The following JPH2 variants were observed in gnomAD, a reference collection of about 807,000 sequenced individuals.
JPH2 encodes the protein junctophilin-2.
Under a neutral mutation model 55.9 loss-of-function variants are expected in JPH2, and 38 were observed. The observed-to-expected ratio is 0.68, with a 90% CI of 0.52 to 0.89. The LOEUF (loss-of-function observed/expected upper bound fraction) is 0.89. JPH2 is among the 40% of genes least tolerant of loss of function. The pLI is 0.00. For synonymous variants in JPH2, 480 were observed against 472.4 expected (o/e 1.02, Z -0.21); for missense variants, 964 against 1,037.6 (o/e 0.93, Z 0.97).
intron 2 of JPH2, among the ~76,000 whole-genome samples, chr20:44,128,327 C>T (rs1389767461): frequency 1.3e-5 from 2 of 152,144 alleles, no homozygotes; most frequent in Non-Finnish European, 2.9e-5. Flanking sequence ...GGTACTACCA[C>T]CACTTTACAG....
chr20:44,158,201 C>T (rs553976639), intron 2 of JPH2, among the ~76,000 whole-genome samples: 4 of 152,318 alleles, frequency 2.6e-5, no homozygotes, highest in Admixed American at 2.6e-4. Context: ...GGACCTCATC[C>T]GCTCTCTAAG....
Position 44,159,684 on chromosome 20 carries a change from T to C in JPH2, c.1103A>G (p.His368Arg), listed in dbSNP as rs2072480861. 3 of 1,612,622 alleles carry C rather than the reference T, an allele frequency of 1.9e-6. No individual in the cohort carries two copies. The highest frequency in any genetic ancestry group is 2.5e-6 in the Non-Finnish European group (3 of 1,179,954). The change falls in exon 2 of 6, where the codon CAC becomes CGC. Residue 368 changes from histidine (H) to arginine (R), a missense_variant. By Grantham distance (29) the His-to-Arg change is conservative. Transcript: ENST00000372980. This position sits in a 1 kb window ranked among gnomAD's most constrained non-coding sequence, Gnocchi z 5.7. ...KSNKVRQKVE[H>R]SVEGAQRAAA... ...GGCGCGCTGGGCACCCTCCACACTG[T>C]GCTCCACTTTCTGGCGGACCTTGTT...
intron 2 of JPH2, among the ~76,000 whole-genome samples, chr20:44,136,048 A>G (rs971835851): frequency 6.6e-6 from 1 of 152,220 alleles, no homozygotes; most frequent in African/African-American, 2.4e-5. Context: ...GAGCATTTCA[A>G]TAACTTGCCC....
intron 2 of JPH2, among the ~76,000 whole-genome samples, chr20:44,147,587 C>T (rs1051308093): frequency 3.3e-5 from 5 of 152,180 alleles, no homozygotes; most frequent in Non-Finnish European, 7.3e-5. Flanking sequence ...TTGTAAACAA[C>T]GGTCACTTCA....
intron 2 of JPH2, among the ~76,000 whole-genome samples, chr20:44,149,096 TAAAA>T (rs112752255): frequency 1.4e-5 from 2 of 141,736 alleles, no homozygotes; most frequent in East Asian, 2.0e-4. Flanking sequence ...CTCCTCCAAT[TAAAA>T]AAAAAAAAGA....
intron 2 of JPH2, among the ~76,000 whole-genome samples, chr20:44,123,189 C>T (rs544045816): frequency 6.6e-6 from 1 of 152,292 alleles, no homozygotes; most frequent in East Asian, 1.9e-4. Flanking sequence ...ATCCTATCAG[C>T]CCTTCTCCCC....
intron 2 of JPH2, among the ~76,000 whole-genome samples, chr20:44,127,351 ACT>A (rs1311065410): frequency 6.6e-6 from 1 of 151,950 alleles, no homozygotes; most frequent in East Asian, 1.9e-4. Context: ...TCCTGTGGTA[ACT>A]CTATGTTTAA....
Position 44,165,178 on chromosome 20 carries a change from G to A in JPH2, c.380-4771C>T, listed in dbSNP as rs6017277. On this transcript the variant is annotated intron_variant, in intron 1 of 5. Coordinates refer to ENST00000372980, the MANE Select transcript of JPH2 (RefSeq NM_020433.5). The stretch of plus-strand genomic sequence containing the variant: ...AATTGTGCTGATGGTTTACACAAGC[G>A]TGTACATCTGTCACACCTGTACATT... Among the ~76,000 whole-genome samples the A allele has an allele frequency of 7.4e-3, 1,127 of 152,046 alleles. 13 individuals are homozygous for A. Among genetic ancestry groups the A allele is most frequent in the African/African-American group, 0.025 (1,043 of 41,476 alleles).
chr20:44,118,769 G>A lies in JPH2; in HGVS notation c.1170-146C>T. On this transcript the variant is annotated intron_variant, in intron 2 of 5. Coordinates refer to ENST00000372980, the MANE Select transcript of JPH2 (RefSeq NM_020433.5). ...AATATTTATTGAGCCTCATGGCCCA[G>A]ACTGCTATGCATTCTCCAGATCATT... 5 of 709,614 alleles carry A rather than the reference G, an allele frequency of 7.0e-6. No homozygotes were observed. The South Asian group carries it at 7.9e-5, about 11-fold the overall frequency. 44.0% of individuals were successfully genotyped at this position (709,614 alleles called of 1,614,324 possible). A position where few individuals can be genotyped will look rare whatever the true frequency, so the allele number is the denominator to read the frequency against.
Position 44,159,923 on chromosome 20 carries a change from G to T in JPH2, c.864C>A (p.Thr288=). The stretch of plus-strand genomic sequence containing the variant: ...TCTTCCACTCGCCCATGTAGGTCTC[G>T]GTGGTGGTGGCGTCGATATCGGCCT... ...PFEADIDATT[T]ETYMGEWKND... Residue 288 remains threonine (T), a synonymous_variant, in exon 2 of 6, where the codon ACC becomes ACA. Transcript: ENST00000372980. The surrounding 1 kb of genome is among the most constrained non-coding windows in gnomAD (Gnocchi z 5.7). 6.2e-7 allele frequency: 1 copy of T among 1,611,266 alleles called. No individual in the cohort carries two copies. Among genetic ancestry groups the T allele is most frequent in the Admixed American group, 1.7e-5 (1 of 59,862 alleles).
chr20:44,153,703 G>A (rs2072546668), intron 2 of JPH2, among the ~76,000 whole-genome samples: 1 of 152,256 alleles, frequency 6.6e-6, no homozygotes, highest in South Asian at 2.1e-4. Flanking sequence ...AGCAATGGCA[G>A]CTGATGCTTA....
In JPH2 at chr20:44,186,608, T is replaced by G. The variant is rs573848816; in HGVS notation, c.98A>C (p.Lys33Thr). 1 of 1,613,278 alleles carries G rather than the reference T, an allele frequency of 6.2e-7. No individual in the cohort carries two copies. The highest frequency in any genetic ancestry group is 8.5e-7 in the Non-Finnish European group (1 of 1,179,998). ...GGAGCCAGAGTATTCGCCCTGGCCCTTGGGGCCTGTGCACAGTCCATGCCC... is the reference window on the plus strand; with the variant it reads ...GGAGCCAGAGTATTCGCCCTGGCCCGTGGGGCCTGTGCACAGTCCATGCCC... ...AHGHGLCTGP[K>T]GQGEYSGSWN... Residue 33 changes from lysine to threonine, a missense_variant, in exon 1 of 6, where the codon AAG becomes ACG. Lys to Thr is a moderately conservative substitution (Grantham distance 78, BLOSUM62 -1). Transcript: ENST00000372980.
chr20:44,119,107 A>G (rs991676499), intron 2 of JPH2, among the ~76,000 whole-genome samples: 12 of 152,258 alleles, frequency 7.9e-5, no homozygotes, highest in African/African-American at 2.9e-4. Context: ...TAGGATTACA[A>G]AAGGATGCAG....
intron 5 of JPH2, among the ~76,000 whole-genome samples, chr20:44,114,169 G>C (rs184687169): frequency 6.6e-6 from 1 of 152,096 alleles, no homozygotes; most frequent in Non-Finnish European, 1.5e-5. Flanking sequence ...TCCACTTCAC[G>C]GGAACTTACC....
Position 44,116,271 on chromosome 20 carries a change from C to G in JPH2, c.1404G>C (p.Glu468Asp), listed in dbSNP as rs1161692727. 6.5e-7 allele frequency: 1 copy of G among 1,528,686 alleles called. No individual in the cohort carries two copies. The highest frequency in any genetic ancestry group is 8.8e-7 in the Non-Finnish European group (1 of 1,141,708). The allele number at this position is 1,528,686 out of a possible 1,614,324, so 94.7% of individuals were successfully genotyped here. A position where few individuals can be genotyped will look rare whatever the true frequency, so the allele number is the denominator to read the frequency against. The change falls in exon 4 of 6, where the codon GAG becomes GAC. Residue 468 changes from glutamate to aspartate, a missense_variant. Coordinates refer to ENST00000372980, the MANE Select transcript of JPH2 (RefSeq NM_020433.5). The part of the protein sequence containing the change: ...GAAGLPQPPR[E>D]SPQLHERETP... ...TCTCACGCTCGTGCAGCTGCGGGCT[C>G]TCGCGGGGCGGCTGTGGGAGGCCCG...
intron 2 of JPH2, among the ~76,000 whole-genome samples, chr20:44,139,421 A>G (rs562223570): frequency 6.6e-6 from 1 of 152,324 alleles, no homozygotes; most frequent in South Asian, 2.1e-4. Context: ...CCAAACATCC[A>G]TGTACAACAA....
At chr20:44,116,428 C>A (rs1366572430) in intron 3 of JPH2, 42 bp from the exon 4 acceptor site, 8 of 1,540,868 alleles carry the variant, frequency 5.2e-6, no homozygotes, top group African/African-American at 1.4e-5. Flanking sequence ...AACCCCGCAC[C>A]ACTGTTGGGT....
intron 2 of JPH2, among the ~76,000 whole-genome samples, chr20:44,129,664 G>A (rs142105105): frequency 6.6e-6 from 1 of 151,958 alleles, no homozygotes; most frequent in East Asian, 1.9e-4. Context: ...AAAGATATTT[G>A]GTCCTAGTGT....
intron 2 of JPH2, among the ~76,000 whole-genome samples, chr20:44,137,172 T>G (rs945155942): frequency 4.6e-5 from 7 of 152,156 alleles, no homozygotes; most frequent in African/African-American, 1.4e-4. Context: ...TCCCCAAGGG[T>G]TGGGCTCCCA....
Sources: allele counts gnomAD v4.1 joint callset (sites outside exome capture counted in the v4.1 genomes callset), GRCh38; gene constraint gnomAD v4.1.1; non-coding constraint Gnocchi (gnomAD v3.1); transcripts MANE v1.5; gene names NCBI Gene and HGNC (gene_info 2026-07-23, HGNC 2026-07-21).